CSMD1: variants seen among roughly 807,000 people sequenced by gnomAD.
CSMD1 encodes the protein CUB and Sushi multiple domains 1.
Under a neutral mutation model 417.5 loss-of-function variants are expected in CSMD1, and 213 were observed. The observed-to-expected ratio is 0.51, with a 90% CI of 0.46 to 0.57. CSMD1 has a LOEUF of 0.57. Among genes scored for constraint, CSMD1 ranks in the 20% least tolerant of loss-of-function variants. The probability of loss-of-function intolerance (pLI) is 0.00; values close to 1 mark genes in which losing one functional copy is unlikely to be tolerated. For synonymous variants in CSMD1, 2,862 were observed against 1,736.8 expected (o/e 1.65, Z -16.11); for missense variants, 6,923 against 4,529.7 (o/e 1.53, Z -15.17).
rs1304302023 is a variant in CSMD1 at position 3,018,628 on chromosome 8, G to A, written c.7878C>T (p.Ser2626=). ...CAATCTTGTTGCCATTTGGGGGAAA[G>A]GAAAGGCTTCCACACGAGATAACTA... is the stretch of plus-strand genomic sequence containing the variant. ...SCRVISCGSL[S]FPPNGNKIGT... Residue 2626 remains serine, a synonymous_variant, in exon 52 of 70, where the codon TCC becomes TCT. Coordinates refer to ENST00000635120, the MANE Select transcript of CSMD1 (RefSeq NM_033225.6). 6.2e-7 allele frequency: 1 copy of A among 1,612,322 alleles called. No homozygotes were observed. Among genetic ancestry groups the A allele is most frequent in the Non-Finnish European group, 8.5e-7 (1 of 1,179,132 alleles).
At chr8:3,140,927 T>C (rs1818399174) in intron 41 of CSMD1, among the ~76,000 whole-genome samples, 1 of 152,108 alleles carries the variant, frequency 6.6e-6, no homozygotes, top group Admixed American at 6.5e-5. Flanking sequence ...CAATCACTGA[T>C]TTTTTTTCTC....
chr8:3,617,539 G>A (rs1802200293), intron 7 of CSMD1, among the ~76,000 whole-genome samples: 1 of 152,084 alleles, frequency 6.6e-6, no homozygotes, highest in Non-Finnish European at 1.5e-5. Flanking sequence ...AGATGTGAGG[G>A]GAAGTCCACA....
chr8:4,205,447 G>A (rs540870903), intron 3 of CSMD1, among the ~76,000 whole-genome samples: 34 of 152,144 alleles, frequency 2.2e-4, no homozygotes, highest in African/African-American at 3.1e-4. Context: ...TTCATGATGC[G>A]CCCATTTATA....
intron 12 of CSMD1, among the ~76,000 whole-genome samples, chr8:3,437,509 C>T (rs1444803803): frequency 1.3e-5 from 2 of 152,168 alleles, no homozygotes; most frequent in Non-Finnish European, 2.9e-5. Context: ...GGCAGCTTCT[C>T]CAGCCCTGCT....
At chr8:3,046,367 C>G (rs1449918450) in intron 50 of CSMD1, among the ~76,000 whole-genome samples, 1 of 152,172 alleles carries the variant, frequency 6.6e-6, no homozygotes, top group African/African-American at 2.4e-5. Flanking sequence ...TACGCCTCCT[C>G]CGGTTCCTTC....
chr8:3,316,140 CTA>C (rs1805741122), intron 23 of CSMD1, among the ~76,000 whole-genome samples: 1 of 152,158 alleles, frequency 6.6e-6, no homozygotes, highest in Non-Finnish European at 1.5e-5. Flanking sequence ...TAATTTCACT[CTA>C]AATTCATCTT....
chr8:3,016,098 G>A (rs927998070), intron 52 of CSMD1, among the ~76,000 whole-genome samples: 1 of 152,150 alleles, frequency 6.6e-6, no homozygotes, highest in Non-Finnish European at 1.5e-5. Flanking sequence ...GCAGGTCGAA[G>A]GAATAAGCAC....
At chr8:4,902,773 C>T (rs948776941) in intron 1 of CSMD1, among the ~76,000 whole-genome samples, 1 of 151,872 alleles carries the variant, frequency 6.6e-6, no homozygotes, top group African/African-American at 2.4e-5. Context: ...GCTTATCTGC[C>T]CAGGCAGTAA....
chr8:3,590,570 C>A (rs895011418), intron 8 of CSMD1, among the ~76,000 whole-genome samples: 1 of 152,154 alleles, frequency 6.6e-6, no homozygotes, highest in African/African-American at 2.4e-5. Flanking sequence ...ATTGAGAGTA[C>A]AGTATAGAAC....
At chr8:4,774,257 T>C (rs193229340) in intron 1 of CSMD1, among the ~76,000 whole-genome samples, 213 of 152,276 alleles carry the variant, frequency 1.4e-3, no homozygotes, top group African/African-American at 5.0e-3. Context: ...CATTTGCGAA[T>C]GGGGCAATGT....
rs369305798 is a variant in CSMD1 at position 4,813,657 on chromosome 8, C to T, written c.86-176099G>A. 1.4e-4 allele frequency among the ~76,000 whole-genome samples: 21 copies of T among 152,238 alleles called. No homozygotes were observed. The East Asian group carries it at 2.5e-3, about 18-fold the overall frequency. On this transcript the variant is annotated intron_variant, in intron 1 of 69. Coordinates refer to ENST00000635120, the MANE Select transcript of CSMD1 (RefSeq NM_033225.6). ...AGAGCTGTAATAACATCAATTTACA[C>T]GTTGCAAGAGAGAATGACACACTAT...
At chr8:3,180,055 T>C (rs1364541181) in intron 37 of CSMD1, among the ~76,000 whole-genome samples, 2 of 152,220 alleles carry the variant, frequency 1.3e-5, no homozygotes, top group Non-Finnish European at 2.9e-5. Flanking sequence ...TATTAAAGCT[T>C]ATCCATGTAT....
intron 3 of CSMD1, among the ~76,000 whole-genome samples, chr8:4,182,978 G>C (rs1242980397): frequency 6.6e-6 from 1 of 152,092 alleles, no homozygotes; most frequent in Non-Finnish European, 1.5e-5. Flanking sequence ...GCAAGGAAAG[G>C]AAGGATCAAA....
rs1282123828 is a variant in CSMD1 at position 3,123,374 on chromosome 8, C to T, written c.6242-4787G>A. ...AAAACATCCACAGTGCCTGGAATGC[C>T]TCCTCCCAATACTGCTATTTGGACC... On this transcript the variant is annotated intron_variant, in intron 41 of 69. Coordinates refer to ENST00000635120, the MANE Select transcript of CSMD1 (RefSeq NM_033225.6). 3.9e-5 allele frequency among the ~76,000 whole-genome samples: 6 copies of T among 152,286 alleles called. No individual in the cohort carries two copies. The East Asian group carries it at 7.7e-4, about 20-fold the overall frequency.
chr8:4,452,547 C>G (rs1171941917), intron 2 of CSMD1, among the ~76,000 whole-genome samples: 1 of 152,122 alleles, frequency 6.6e-6, no homozygotes. Context: ...AAATAATTCA[C>G]TTTTTCCAAT....
At chr8:3,855,981 C>A (rs13265637) in intron 5 of CSMD1, among the ~76,000 whole-genome samples, 63,169 of 151,978 alleles carry the variant, frequency 0.42, 15,846 homozygotes, top group African/African-American at 0.7. Context: ...TGATATCTGT[C>A]AGTATTAATC....
At position 3,230,106 on chromosome 8, in the gene CSMD1, C is replaced by T. The variant is rs1399181068; in HGVS notation, c.4279G>A (p.Ala1427Thr). 6.2e-7 allele frequency: 1 copy of T among 1,613,516 alleles called. No individual in the cohort carries two copies. Among genetic ancestry groups the T allele is most frequent in the Non-Finnish European group, 8.5e-7 (1 of 1,179,680 alleles). Residue 1427 changes from alanine (A) to threonine (T), a missense_variant, in exon 27 of 70, where the codon GCC (alanine) becomes ACC (threonine). Transcript: ENST00000635120. ...CDPGYQLQGQAKITCVQLNNR... is the reference protein window; with the variant it reads ...CDPGYQLQGQTKITCVQLNNR... ...TTCAGCTGCACACAGGTGATTTTGGCTTGTCCTTGGAGCTGATAGCCAGGG... is the reference window on the plus strand; with the variant it reads ...TTCAGCTGCACACAGGTGATTTTGGTTTGTCCTTGGAGCTGATAGCCAGGG...
intron 3 of CSMD1, among the ~76,000 whole-genome samples, chr8:4,049,742 A>C (rs968348828): frequency 2.0e-5 from 3 of 152,196 alleles, no homozygotes; most frequent in Non-Finnish European, 4.4e-5. Flanking sequence ...TAAAGTTTAA[A>C]AATAGTAGAG....
chr8:3,126,130 A>G (rs1213763329), intron 41 of CSMD1, among the ~76,000 whole-genome samples: 2 of 152,150 alleles, frequency 1.3e-5, no homozygotes, highest in Admixed American at 1.3e-4. Context: ...GGGGACTTGA[A>G]CATTCCACTT....
Sources: gnomAD v4.1 joint callset for allele counts (sites outside exome capture counted in the v4.1 genomes callset) on GRCh38, gnomAD v4.1.1 for gene constraint, MANE v1.5 for transcripts, NCBI Gene and HGNC (gene_info 2026-07-23, HGNC 2026-07-21) for gene names.